Variants in TESC observed in about 807,000 individuals in gnomAD.
The protein encoded by TESC is tescalcin, also known as calcineurin B homologous protein 3.
Under a neutral mutation model 31.0 loss-of-function variants are expected in TESC, and 19 were observed. The observed-to-expected ratio is 0.61, with a 90% confidence interval of 0.43 to 0.90. The LOEUF (loss-of-function observed/expected upper bound fraction) is 0.90. Among genes scored for constraint, TESC ranks in the 40% least tolerant of loss-of-function variants. TESC has a pLI of 0.00. For missense variants in TESC, 248 were observed against 303.8 expected, an observed-to-expected ratio of 0.82 and a Z score of 1.36; for synonymous variants, 109 against 114.8, an observed-to-expected ratio of 0.95 and a Z score of 0.32.
At chr12:117,066,201 T>TG in intron 2 of TESC, among the ~76,000 whole-genome samples, 1 of 69,476 alleles carries the variant, frequency 1.4e-5, no homozygotes, top group African/African-American at 8.2e-5. Flanking sequence ...TTCCTTTAGC[T>TG]TTTTTTTTTT....
At chr12:117,061,364 C>T (rs1316085807) in intron 2 of TESC, among the ~76,000 whole-genome samples, 2 of 152,110 alleles carry the variant, frequency 1.3e-5, no homozygotes, top group East Asian at 3.9e-4. Context: ...TGAGGCACTG[C>T]CCTTCCCCAG....
At chr12:117,040,122 G>A (rs1289599970) in intron 7 of TESC, among the ~76,000 whole-genome samples, 2 of 152,224 alleles carry the variant, frequency 1.3e-5, no homozygotes, top group South Asian at 2.1e-4. Context: ...TCAGAGCCCC[G>A]TGGGCACCCA....
intron 1 of TESC, among the ~76,000 whole-genome samples, chr12:117,079,423 G>A (rs900757998): frequency 6.6e-6 from 1 of 152,220 alleles, no homozygotes; most frequent in South Asian, 2.1e-4. Context: ...CTAGCCGAGA[G>A]TGGTGGCAGG....
chr12:117,065,374 C>G (rs1030574867), intron 2 of TESC, among the ~76,000 whole-genome samples: 4 of 152,118 alleles, frequency 2.6e-5, no homozygotes, highest in African/African-American at 7.2e-5. Flanking sequence ...TGCTGATGAA[C>G]TGGAAGCAGG....
intron 1 of TESC, among the ~76,000 whole-genome samples, chr12:117,078,180 G>T (rs751486599): frequency 1.3e-5 from 2 of 152,160 alleles, no homozygotes; most frequent in Non-Finnish European, 2.9e-5. Context: ...ATCAAAAGCA[G>T]ATTGGGGCCG....
rs751766984 is a variant in TESC, at chr12:117,056,825, G to C, written c.190C>G (p.Arg64Gly). 1.9e-6 allele frequency: 3 copies of C among 1,614,032 alleles called. No individual in the cohort carries two copies. Among genetic ancestry groups the C allele is most frequent in the African/African-American group, 2.7e-5 (2 of 74,926 alleles). ...GCCCACCTGTTGTCGAAGAAGGCACGAACAATTTTGGATCGGATGGGGTTG... is the reference window on the plus strand; with the variant it reads ...GCCCACCTGTTGTCGAAGAAGGCACCAACAATTTTGGATCGGATGGGGTTG... ...ELNPIRSKIV[R>G]AFFDNRNLRK... The change falls in exon 3 of 8, where the codon CGT becomes GGT. Residue 64 changes from arginine (R) to glycine (G), a missense_variant. Coordinates refer to ENST00000335209, the MANE Select transcript of TESC (RefSeq NM_017899.4).
chr12:117,066,012 TCTC>T (rs1954873668), intron 2 of TESC, among the ~76,000 whole-genome samples: 1 of 151,808 alleles, frequency 6.6e-6, no homozygotes, highest in Non-Finnish European at 1.5e-5. Flanking sequence ...ACTCTCCAAT[TCTC>T]CTCATGTGCT....
chr12:117,096,417 C>T (rs1593031510), intron 1 of TESC, among the ~76,000 whole-genome samples: 1 of 152,134 alleles, frequency 6.6e-6, no homozygotes, highest in Non-Finnish European at 1.5e-5. Flanking sequence ...TCGCACGTAA[C>T]CTTATCAAAT....
intron 2 of TESC, among the ~76,000 whole-genome samples, chr12:117,057,392 C>T (rs1057284621): frequency 6.6e-6 from 1 of 152,156 alleles, no homozygotes; most frequent in Admixed American, 6.5e-5. Flanking sequence ...GAGCCACTGG[C>T]CCGGCCTTGA....
intron 3 of TESC, among the ~76,000 whole-genome samples, chr12:117,050,981 T>C (rs1954640230): frequency 6.6e-6 from 1 of 152,160 alleles, no homozygotes; most frequent in Non-Finnish European, 1.5e-5. Flanking sequence ...CCTGACCCAC[T>C]GTCGTCAAAC....
At chr12:117,076,375 A>G (rs1455762690) in intron 1 of TESC, among the ~76,000 whole-genome samples, 2 of 152,178 alleles carry the variant, frequency 1.3e-5, no homozygotes, top group African/African-American at 4.8e-5. Flanking sequence ...AAAATGCACA[A>G]TATTAAACAA....
intron 7 of TESC, among the ~76,000 whole-genome samples, chr12:117,039,712 G>A (rs1954454026): frequency 6.6e-6 from 1 of 152,210 alleles, no homozygotes; most frequent in Non-Finnish European, 1.5e-5. Flanking sequence ...GATCTCCACA[G>A]TGTGGTCTTT....
intron 2 of TESC, among the ~76,000 whole-genome samples, chr12:117,062,683 A>G (rs58697440): frequency 0.083 from 12,674 of 152,186 alleles, 1,099 homozygotes; most frequent in African/African-American, 0.21. Context: ...CAAGGAGAGC[A>G]CCGGCCTTGA....
At position 117,099,383 on chromosome 12, in the gene TESC, G is replaced by C. The variant is rs559386138; in HGVS notation, c.-101C>G. The C allele has an allele frequency of 7.5e-6, 9 of 1,194,568 alleles. No individual in the cohort carries two copies. The highest frequency in any genetic ancestry group is 1.6e-5 in the African/African-American group (1 of 62,294). The allele number at this position is 1,194,568 out of a possible 1,614,324, so 74.0% of individuals were successfully genotyped here. On this transcript the variant is annotated 5_prime_UTR_variant, in exon 1 of 8. Coordinates refer to ENST00000335209, the MANE Select transcript of TESC (RefSeq NM_017899.4). ...CTGGCCTCGGGTCCGGCCTCGGGTC[G>C]GGACGCCGGCGAAGGCTCGGAGCCG...
intron 1 of TESC, among the ~76,000 whole-genome samples, chr12:117,075,913 A>ATATATATATATATATATATATGTGTGTG: frequency 1.9e-5 from 1 of 51,950 alleles, no homozygotes; most frequent in Admixed American, 2.4e-4. Context: ...ATATATATAT[A>ATATATATATATATATATATATGTGTGTG]TGTGTGTGTG....
intron 7 of TESC, among the ~76,000 whole-genome samples, chr12:117,040,441 G>C (rs552151580): frequency 7.6e-4 from 116 of 152,314 alleles, no homozygotes; most frequent in African/African-American, 2.8e-3. Context: ...CTAGGGGCCT[G>C]GCAGAGGCCA....
chr12:117,064,710 C>T (rs114036123), intron 2 of TESC, among the ~76,000 whole-genome samples: 2,355 of 152,228 alleles, frequency 0.015, 65 homozygotes, highest in African/African-American at 0.052. Flanking sequence ...CACAGGAGAC[C>T]GGTACAAGTT....
At chr12:117,052,450 G>A (rs920852471) in intron 3 of TESC, among the ~76,000 whole-genome samples, 11 of 152,286 alleles carry the variant, frequency 7.2e-5, no homozygotes, top group East Asian at 1.9e-4. Flanking sequence ...TGTAGCCCAC[G>A]AAGTTGTTCT....
At chr12:117,093,327 G>A (rs1484052026) in intron 1 of TESC, among the ~76,000 whole-genome samples, 2 of 152,236 alleles carry the variant, frequency 1.3e-5, no homozygotes, top group South Asian at 2.1e-4. Context: ...AGAAACCAGC[G>A]CCACCCCCAC....
Sources: gnomAD v4.1 joint callset for allele counts (sites outside exome capture counted in the v4.1 genomes callset) on GRCh38, gnomAD v4.1.1 for gene constraint, MANE v1.5 for transcripts, NCBI Gene and HGNC (gene_info 2026-07-23, HGNC 2026-07-21) for gene names.